CHD5: variants seen among roughly 807,000 people sequenced by gnomAD.
CHD5 encodes the protein ATP-dependent chromatin remodeler CHD5.
In CHD5, 69 loss-of-function variants were observed where a neutral mutation model predicts 230.3. The ratio of observed to expected loss-of-function variants is 0.30; its 90% CI spans 0.25 to 0.37. The LOEUF is 0.37. Ranked by LOEUF, CHD5 falls within the 10% of genes least tolerant of loss-of-function variation. The pLI, the probability that CHD5 is intolerant of heterozygous loss-of-function variation, is 1.00. For missense variants in CHD5, 1,827 were observed against 2,622.8 expected (o/e 0.70, Z 6.63); for synonymous variants, 1,064 against 1,065.9 (o/e 1.00, Z 0.03).
rs1408340137 is a variant in CHD5 at position 6,129,474 on chromosome 1, A to T, written c.3388-405T>A. On this transcript the variant is annotated intron_variant, in intron 22 of 41. Transcript: ENST00000262450. This position sits in a 1 kb window ranked among gnomAD's most constrained non-coding sequence, Gnocchi z 6.8. Reference sequence around the variant, plus strand: ...GACCACAAGACCATGTGCTGGAGACACGCAGCCACCTTCTGAGGGCAGCAA... The same window carrying T: ...GACCACAAGACCATGTGCTGGAGACTCGCAGCCACCTTCTGAGGGCAGCAA... Among the ~76,000 whole-genome samples the T allele has an allele frequency of 2.0e-5, 3 of 152,160 alleles. No homozygotes were observed. The highest frequency in any genetic ancestry group is 4.4e-5 in the Non-Finnish European group (3 of 68,010).
At position 6,102,084 on chromosome 1, in the gene CHD5, G is replaced by A; in HGVS notation, c.*3390C>T. On this transcript the variant is annotated 3_prime_UTR_variant, in exon 42 of 42. Transcript: ENST00000262450. ...CCTCTTAGCTGGGCCTGGGCCGGTGGAGTCTGCTCCCTCCACACCCCTGAA... is the reference window on the plus strand; with the variant it reads ...CCTCTTAGCTGGGCCTGGGCCGGTGAAGTCTGCTCCCTCCACACCCCTGAA... 2.6e-6 allele frequency: 1 copy of A among 386,502 alleles called. No homozygotes were observed. The highest frequency in any genetic ancestry group is 5.1e-6 in the Non-Finnish European group (1 of 195,066). 23.9% of individuals were successfully genotyped at this position (386,502 alleles called of 1,614,324 possible).
chr1:6,146,114 G>A lies in CHD5; in HGVS notation c.1802+98C>T, dbSNP rs903900454. The A allele has an allele frequency of 3.3e-6, 4 of 1,214,800 alleles. No homozygotes were observed. The highest frequency in any genetic ancestry group is 1.4e-5 in the South Asian group (1 of 72,260). 75.3% of individuals were successfully genotyped at this position (1,214,800 alleles called of 1,614,324 possible). ...GTTCTGCACGGCAGCCCCAAAGCAA[G>A]GGCCCTGGCACCCTGCGCTGCACCC... On this transcript the variant is annotated intron_variant, in intron 11 of 41. Coordinates refer to ENST00000262450, the MANE Select transcript of CHD5 (RefSeq NM_015557.3). The surrounding 1 kb of genome is among the most constrained non-coding windows in gnomAD (Gnocchi z 5.1).
At chr1:6,118,237 G>A (rs1331587466) in intron 33 of CHD5, among the ~76,000 whole-genome samples, 3 of 152,000 alleles carry the variant, frequency 2.0e-5, no homozygotes, top group Non-Finnish European at 4.4e-5. Context: ...TTAGCCGGGC[G>A]TGTTAGCATG....
At position 6,131,960 on chromosome 1, in the gene CHD5, C is replaced by G. The variant is rs1156667953; in HGVS notation, c.3145-212G>C. On this transcript the variant is annotated intron_variant, in intron 20 of 41. Coordinates refer to ENST00000262450, the MANE Select transcript of CHD5 (RefSeq NM_015557.3). This position sits in a 1 kb window ranked among gnomAD's most constrained non-coding sequence, Gnocchi z 5.0. ...CAATCCATCCTCCTGCCTAGCCCCA[C>G]AGCCACTTACCTAAATCAGGGCTCT... Among the ~76,000 whole-genome samples the G allele has an allele frequency of 6.6e-6, 1 of 152,220 alleles. No homozygotes were observed. Among genetic ancestry groups the G allele is most frequent in the Non-Finnish European group, 1.5e-5 (1 of 68,032 alleles).
chr1:6,111,873 C>G lies in CHD5; in HGVS notation c.5151G>C (p.Thr1717=), dbSNP rs770976829. 3.7e-6 allele frequency: 6 copies of G among 1,613,020 alleles called. No homozygotes were observed. The Admixed American group carries it at 5.0e-5, about 13-fold the overall frequency. ...IADGGFTELH[T]LWQNEERAAV... ...CAGCCCGCTCCTCGTTCTGCCACAG[C>G]GTGTGCAACTCTGGGAAACAAGCCA... Residue 1717 remains threonine, a synonymous_variant, in exon 36 of 42, where the codon ACG becomes ACC. Transcript: ENST00000262450.
intron 2 of CHD5, among the ~76,000 whole-genome samples, chr1:6,162,076 G>T (rs532957537): frequency 1.3e-5 from 2 of 152,202 alleles, no homozygotes; most frequent in Non-Finnish European, 2.9e-5. Context: ...ATAGAACCAG[G>T]GAGACTGTAA....
At chr1:6,132,558 T>G (rs1666674825) in intron 20 of CHD5, among the ~76,000 whole-genome samples, 1 of 152,230 alleles carries the variant, frequency 6.6e-6, no homozygotes, top group Non-Finnish European at 1.5e-5. Flanking sequence ...CTTCTGCAAC[T>G]CCAATTGGAT....
chr1:6,102,180 A>T lies in CHD5; in HGVS notation c.*3294T>A. ...GTGCTTGGGCTCCAATCGCTGCTTG[A>T]GGAGTTCAGGACACACACACACACC... On this transcript the variant is annotated 3_prime_UTR_variant, in exon 42 of 42. Transcript: ENST00000262450. 4.0e-6 allele frequency: 1 copy of T among 253,162 alleles called. No individual in the cohort carries two copies. Among genetic ancestry groups the T allele is most frequent in the Non-Finnish European group, 8.0e-6 (1 of 124,434 alleles). The allele number at this position is 253,162 out of a possible 1,614,324, so 15.7% of individuals were successfully genotyped here. A position where few individuals can be genotyped will look rare whatever the true frequency, so the allele number is the denominator to read the frequency against.
Position 6,136,027 on chromosome 1 carries a change from C to CA in CHD5, c.2696+489dup, listed in dbSNP as rs750706141. Among the ~76,000 whole-genome samples the CA allele has an allele frequency of 6.0e-3, 677 of 112,412 alleles. 5 individuals are homozygous for CA. Among genetic ancestry groups the CA allele is most frequent in the Non-Finnish European group, 9.3e-3 (491 of 52,990 alleles). 73.7% of individuals were successfully genotyped at this position (112,412 alleles called of 152,430 possible). ...TCTTTCTTTTAATAAAAAAAAACAA[C>CA]AAAAAAAAAAAACACTGCATCTCCT... is the stretch of plus-strand genomic sequence containing the variant. On this transcript the variant is annotated intron_variant, in intron 17 of 41. Coordinates refer to ENST00000262450, the MANE Select transcript of CHD5 (RefSeq NM_015557.3).
chr1:6,167,378 G>A lies in CHD5; in HGVS notation c.207+772C>T, dbSNP rs560795203. ...ATTGCTCTCAACATAGGGTCGCTTG[G>A]AGGATCAGAGGAGACGCCCAGAAGG... On this transcript the variant is annotated intron_variant, in intron 2 of 41. Transcript: ENST00000262450. This position sits in a 1 kb window ranked among gnomAD's most constrained non-coding sequence, Gnocchi z 4.5. Among the ~76,000 whole-genome samples the A allele has an allele frequency of 2.0e-5, 3 of 152,354 alleles. No individual in the cohort carries two copies. In the South Asian group the frequency reaches 6.2e-4, roughly 32 times the overall value.
Position 6,121,187 on chromosome 1 carries a change from G to A in CHD5, c.4830C>T (p.Ser1610=). The A allele has an allele frequency of 1.2e-6, 2 of 1,613,972 alleles. No homozygotes were observed. The highest frequency in any genetic ancestry group is 1.7e-6 in the Non-Finnish European group (2 of 1,179,944). The change falls in exon 33 of 42, where the codon AGC becomes AGT. Residue 1610 remains serine, a synonymous_variant. Transcript: ENST00000262450. This position sits in a 1 kb window ranked among gnomAD's most constrained non-coding sequence, Gnocchi z 4.5. ...CTCGGGCTCTCTCCTTGCTGGCTGG[G>A]CTCTCGTGCTTGTCCTCACTCTCCA... The part of the protein sequence containing the change: ...DRVESEDKHE[S]PASKERAREE...
At position 6,134,465 on chromosome 1, in the gene CHD5, C is replaced by T. The variant is rs534397560; in HGVS notation, c.3013-206G>A. Among the ~76,000 whole-genome samples the T allele has an allele frequency of 2.0e-5, 3 of 152,356 alleles. No individual in the cohort carries two copies. The highest frequency in any genetic ancestry group is 2.1e-4 in the South Asian group (1 of 4,830). ...CCCACGGCCCTGGCTCCAGGCCCCC[C>T]GTTCCCAGGCAGGGCTCACAGCCGC... On this transcript the variant is annotated intron_variant, in intron 19 of 41. Coordinates refer to ENST00000262450, the MANE Select transcript of CHD5 (RefSeq NM_015557.3). This position sits in a 1 kb window ranked among gnomAD's most constrained non-coding sequence, Gnocchi z 6.3.
intron 9 of CHD5, 21 bp downstream of exon 9, chr1:6,148,814 TGGGGCGGGGCGTCCGGCGC>T: frequency 9.7e-7 from 1 of 1,034,138 alleles, no homozygotes. Flanking sequence ...GTTCCTGGGG[TGGGGCGGGGCGTCCGGCGC>T]GGGGCGGGCG....
At position 6,102,791 on chromosome 1, in the gene CHD5, G is replaced by T. The variant is rs1666092193; in HGVS notation, c.*2683C>A. The T allele has an allele frequency of 6.6e-6, 1 of 152,170 alleles. No individual in the cohort carries two copies. The highest frequency in any genetic ancestry group is 6.5e-5 in the Admixed American group (1 of 15,280). 9.4% of individuals were successfully genotyped at this position (152,170 alleles called of 1,614,324 possible). ...GAAGCCAAGTTTGCAAAAAACGCAG[G>T]AGCTTCGGAAGGTGGCTTTCACGGG... On this transcript the variant is annotated 3_prime_UTR_variant, in exon 42 of 42. Coordinates refer to ENST00000262450, the MANE Select transcript of CHD5 (RefSeq NM_015557.3).
chr1:6,114,883 A>G (rs1419285806), intron 33 of CHD5, among the ~76,000 whole-genome samples: 11 of 152,022 alleles, frequency 7.2e-5, no homozygotes, highest in Non-Finnish European at 1.5e-4. Context: ...GTGTGGTGGC[A>G]GGCACCTGTA....
chr1:6,138,768 C>G (rs1323672076), intron 15 of CHD5, among the ~76,000 whole-genome samples: 1 of 152,172 alleles, frequency 6.6e-6, no homozygotes, highest in African/African-American at 2.4e-5. Flanking sequence ...GGTGTATACC[C>G]AAAAGACAGG....
intron 2 of CHD5, among the ~76,000 whole-genome samples, chr1:6,159,985 G>A (rs1038788245): frequency 6.6e-6 from 1 of 152,190 alleles, no homozygotes; most frequent in Non-Finnish European, 1.5e-5. Context: ...TGCACAGGAA[G>A]AGCCCCAGCC....
At chr1:6,107,386 TGG>T in intron 38 of CHD5, among the ~76,000 whole-genome samples, 1 of 70,784 alleles carries the variant, frequency 1.4e-5, no homozygotes, top group Admixed American at 1.6e-4. Flanking sequence ...GGAGGGATGA[TGG>T]AGGAATGGAG....
intron 5 of CHD5, 101 bp from the exon 6 acceptor site, chr1:6,152,637 C>T: frequency 1.3e-6 from 2 of 1,558,130 alleles, no homozygotes; most frequent in Middle Eastern, 1.8e-4. Flanking sequence ...AGGAAAGGGT[C>T]ATTTCTACCA....
Sources: allele counts gnomAD v4.1 joint callset (sites outside exome capture counted in the v4.1 genomes callset), GRCh38; gene constraint gnomAD v4.1.1; non-coding constraint Gnocchi (gnomAD v3.1); transcripts MANE v1.5; gene names NCBI Gene and HGNC (gene_info 2026-07-23, HGNC 2026-07-21).